Variants in CLASP1 observed in about 807,000 individuals in gnomAD.
CLASP1 encodes CLIP-associating protein 1.
A neutral mutation model predicts 192.3 loss-of-function variants in CLASP1; 38 were observed. The observed-to-expected ratio is 0.20, with a 90% CI of 0.15 to 0.26. The LOEUF is 0.26. Ranked by LOEUF, CLASP1 falls within the 10% of genes least tolerant of loss-of-function variation. CLASP1 has a pLI of 1.00. For missense variants in CLASP1, 1,433 were observed against 1,932.5 expected (o/e 0.74, Z 4.85); for synonymous variants, 691 against 712.8 (o/e 0.97, Z 0.49).
chr2:121,353,290 G>T (rs1414945465), intron 37 of CLASP1, among the ~76,000 whole-genome samples: 2 of 152,184 alleles, frequency 1.3e-5, no homozygotes, highest in South Asian at 4.1e-4. Flanking sequence ...GGGATCGGGG[G>T]TGAAGGGGGC....
chr2:121,448,141 A>G, intron 18 of CLASP1, 135 bp downstream of exon 18: 2 of 728,282 alleles, frequency 2.7e-6, no homozygotes, highest in Non-Finnish European at 4.8e-6. Context: ...AGGGCAGGGC[A>G]GAGCAGGCAA....
chr2:121,420,586 G>T (rs1315363285), intron 22 of CLASP1, among the ~76,000 whole-genome samples: 2 of 152,168 alleles, frequency 1.3e-5, no homozygotes, highest in Non-Finnish European at 2.9e-5. Context: ...TAAATGAGAA[G>T]GGTACTGTGA....
In CLASP1 at chr2:121,411,061, C is replaced by G. The variant is rs146314847; in HGVS notation, c.2321-92G>C. 6.0e-4 allele frequency: 462 copies of G among 766,824 alleles called. 1 individual carries two copies. The African/African-American group carries it at 7.3e-3, about 12-fold the overall frequency. The allele number at this position is 766,824 out of a possible 1,614,324, so 47.5% of individuals were successfully genotyped here. On this transcript the variant is annotated intron_variant, in intron 23 of 39. Transcript: ENST00000263710. Reference sequence around the variant, plus strand: ...CTACTGCCTCTTCCCACCAAGTAGACAGAAGTACTGAAAAGTCTCTAGCCA... The same window carrying G: ...CTACTGCCTCTTCCCACCAAGTAGAGAGAAGTACTGAAAAGTCTCTAGCCA...
At chr2:121,472,989 A>G (rs1421540066) in intron 8 of CLASP1, among the ~76,000 whole-genome samples, 1 of 152,234 alleles carries the variant, frequency 6.6e-6, no homozygotes, top group East Asian at 1.9e-4. Flanking sequence ...ATATTCCTAA[A>G]AGAAATATAA....
chr2:121,460,330 T>C (rs1447301146), intron 11 of CLASP1, among the ~76,000 whole-genome samples: 3 of 152,190 alleles, frequency 2.0e-5, no homozygotes, highest in African/African-American at 4.8e-5. Context: ...AATTTTTAAC[T>C]AGAGTATTTG....
At chr2:121,535,899 C>T (rs371168191) in intron 2 of CLASP1, among the ~76,000 whole-genome samples, 2 of 151,704 alleles carry the variant, frequency 1.3e-5, no homozygotes, top group African/African-American at 4.8e-5. Flanking sequence ...TGGACTCAAG[C>T]GATCCGACTG....
chr2:121,498,526 T>C (rs1486450570), intron 8 of CLASP1, among the ~76,000 whole-genome samples: 1 of 152,138 alleles, frequency 6.6e-6, no homozygotes, highest in Non-Finnish European at 1.5e-5. Context: ...CAATAGTTTC[T>C]TAGGTATGAC....
chr2:121,643,287 G>A (rs1319392249), intron 1 of CLASP1, among the ~76,000 whole-genome samples: 2 of 152,148 alleles, frequency 1.3e-5, no homozygotes, highest in East Asian at 3.8e-4. Context: ...AGGAAAGGAG[G>A]AAATCTGATT....
chr2:121,424,059 C>A (rs918131551), intron 22 of CLASP1, among the ~76,000 whole-genome samples: 3 of 152,286 alleles, frequency 2.0e-5, no homozygotes, highest in Middle Eastern at 3.4e-3. Context: ...CTCATCTCCC[C>A]ACCCGGACCA....
intron 32 of CLASP1, among the ~76,000 whole-genome samples, chr2:121,384,003 T>TACACACAC (rs200805568): frequency 4.3e-5 from 6 of 138,164 alleles, no homozygotes; most frequent in Admixed American, 1.5e-4. Flanking sequence ...TATATATATA[T>TACACACAC]ATATACACAC....
intron 19 of CLASP1, among the ~76,000 whole-genome samples, chr2:121,440,149 A>G (rs1209642184): frequency 6.6e-6 from 1 of 151,796 alleles, no homozygotes; most frequent in Non-Finnish European, 1.5e-5. Context: ...AATCAGTTCA[A>G]GCTTGTCATT....
At chr2:121,637,498 TA>T (rs2071114684) in intron 1 of CLASP1, among the ~76,000 whole-genome samples, 1 of 152,162 alleles carries the variant, frequency 6.6e-6, no homozygotes, top group African/African-American at 2.4e-5. Context: ...GCTAAAATTA[TA>T]AAATCTTAGA....
intron 24 of CLASP1, chr2:121,409,067 G>A: frequency 6.4e-7 from 1 of 1,554,242 alleles, no homozygotes; most frequent in Non-Finnish European, 8.7e-7. Flanking sequence ...GGAAAATATT[G>A]AAGGATGGGG....
chr2:121,590,779 T>C (rs1404791086), intron 2 of CLASP1, among the ~76,000 whole-genome samples: 3 of 152,012 alleles, frequency 2.0e-5, no homozygotes, highest in Admixed American at 6.6e-5. Context: ...ACAAAGAACA[T>C]AAGCTTAGGA....
chr2:121,547,190 C>G (rs937474444), intron 2 of CLASP1, among the ~76,000 whole-genome samples: 2 of 152,164 alleles, frequency 1.3e-5, no homozygotes, highest in South Asian at 2.1e-4. Flanking sequence ...CCAGCCACCC[C>G]CTTACCAGAG....
At chr2:121,529,385 T>G (rs1331783029) in intron 3 of CLASP1, among the ~76,000 whole-genome samples, 1 of 152,126 alleles carries the variant, frequency 6.6e-6, no homozygotes, top group Admixed American at 6.5e-5. Flanking sequence ...TTCAGCTAAT[T>G]TAGGAGGAAA....
At chr2:121,600,802 C>G (rs1177273651) in intron 2 of CLASP1, among the ~76,000 whole-genome samples, 1 of 152,238 alleles carries the variant, frequency 6.6e-6, no homozygotes, top group Non-Finnish European at 1.5e-5. Flanking sequence ...GACCCTGATA[C>G]TATTCAAGTA....
At chr2:121,423,232 A>G (rs72967376) in intron 22 of CLASP1, among the ~76,000 whole-genome samples, 5,858 of 152,218 alleles carry the variant, frequency 0.038, 157 homozygotes, top group East Asian at 0.14. Flanking sequence ...CACGTAACTG[A>G]TCCCTTTAAT....
At chr2:121,481,607 T>C (rs1399390334) in intron 8 of CLASP1, among the ~76,000 whole-genome samples, 2 of 152,236 alleles carry the variant, frequency 1.3e-5, no homozygotes, top group Admixed American at 6.5e-5. Context: ...CCATGCCCTG[T>C]AACTTGGAAG....
Sources: gnomAD v4.1 joint callset for allele counts (sites outside exome capture counted in the v4.1 genomes callset) on GRCh38, gnomAD v4.1.1 for gene constraint, MANE v1.5 for transcripts, NCBI Gene and HGNC (gene_info 2026-07-23, HGNC 2026-07-21) for gene names.